Variants in MBP observed in about 807,000 individuals in gnomAD.
MBP encodes Golli-MBP.
A neutral mutation model predicts 35.8 loss-of-function variants in MBP; 16 were observed. The observed-to-expected ratio is 0.45, with a 90% CI of 0.30 to 0.68. MBP has a LOEUF of 0.68. Among genes scored for constraint, MBP ranks in the 30% least tolerant of loss-of-function variants. The pLI, the probability that MBP is intolerant of heterozygous loss-of-function variation, is 0.08. For missense variants in MBP, 380 were observed against 404.7 expected (o/e 0.94, Z 0.52); for synonymous variants, 143 against 159.6 (o/e 0.90, Z 0.78).
chr18:77,131,862 C>T lies in MBP; in HGVS notation c.-26+718G>A, dbSNP rs1450960784. On this transcript the variant is annotated intron_variant, in intron 1 of 8. Coordinates refer to ENST00000355994, the MANE Select transcript of MBP (RefSeq NM_001025101.2). This position sits in a 1 kb window ranked among gnomAD's most constrained non-coding sequence, Gnocchi z 5.5. ...CGGGCCGGCGGGCGGCTGCGGGCGG[C>T]GCACGTGGGCCCAGGTGGGCGCAGC... Among the ~76,000 whole-genome samples, 1 of 152,018 alleles carries T rather than the reference C, an allele frequency of 6.6e-6. No individual in the cohort carries two copies. The highest frequency in any genetic ancestry group is 2.4e-5 in the African/African-American group (1 of 41,424).
chr18:77,050,879 C>T (rs905147470), intron 3 of MBP, among the ~76,000 whole-genome samples: 2 of 152,150 alleles, frequency 1.3e-5, no homozygotes, highest in African/African-American at 4.8e-5. Flanking sequence ...ATGTCTTAAT[C>T]ATCTCAAGGG....
rs1973439659 is a variant in MBP, at chr18:77,050,347, G to A, written c.139+15951C>T. ...AACTAAGTATTTTAAAATAATTTTT[G>A]GAGATAAACTAAAGCTCTGAAACAC... On this transcript the variant is annotated intron_variant, in intron 3 of 8. Transcript: ENST00000355994. Among the ~76,000 whole-genome samples the A allele has an allele frequency of 2.6e-5, 4 of 152,128 alleles. No homozygotes were observed. The South Asian group carries it at 6.2e-4, about 24-fold the overall frequency.
At chr18:77,034,051 CAAAA>C (rs398033591) in intron 3 of MBP, among the ~76,000 whole-genome samples, 8 of 70,502 alleles carry the variant, frequency 1.1e-4, no homozygotes, top group African/African-American at 1.6e-4. Context: ...CCTAATGGGG[CAAAA>C]AAAAAAAAAA....
At chr18:77,065,279 C>T (rs558348907) in intron 3 of MBP, among the ~76,000 whole-genome samples, 13 of 152,110 alleles carry the variant, frequency 8.5e-5, no homozygotes, top group Admixed American at 8.5e-4. Context: ...TGTGCCATGA[C>T]GTGGTGGGTG....
intron 4 of MBP, among the ~76,000 whole-genome samples, chr18:77,010,854 T>C (rs984931627): frequency 1.3e-5 from 2 of 152,188 alleles, no homozygotes; most frequent in African/African-American, 4.8e-5. Flanking sequence ...CTGCAAGAAA[T>C]GTCTATTTCT....
At chr18:77,079,767 A>C (rs1974817357) in intron 2 of MBP, among the ~76,000 whole-genome samples, 2 of 152,230 alleles carry the variant, frequency 1.3e-5, no homozygotes, top group South Asian at 4.1e-4. Context: ...CTTTTTAAGA[A>C]GCAAATATTC....
Position 77,105,306 on chromosome 18 carries a change from T to G in MBP, c.-25-20A>C, listed in dbSNP as rs1468848308. 1.3e-6 allele frequency: 2 copies of G among 1,510,674 alleles called. No homozygotes were observed. The highest frequency in any genetic ancestry group is 9.2e-7 in the Non-Finnish European group (1 of 1,086,974). The allele number at this position is 1,510,674 out of a possible 1,614,324, so 93.6% of individuals were successfully genotyped here. A position where few individuals can be genotyped will look rare whatever the true frequency, so the allele number is the denominator to read the frequency against. Reference sequence around the variant, plus strand: ...CAGAGGCTAAAAGAGAAAGAGAAAGTGTCAGCCCTAAGTCTAGTGCTCTTA... The same window carrying G: ...CAGAGGCTAAAAGAGAAAGAGAAAGGGTCAGCCCTAAGTCTAGTGCTCTTA... On this transcript the variant is annotated intron_variant, in intron 1 of 8. Coordinates refer to ENST00000355994, the MANE Select transcript of MBP (RefSeq NM_001025101.2).
At chr18:77,114,649 C>T (rs868129140) in intron 1 of MBP, 34 of 152,404 alleles carry the variant, frequency 2.2e-4, no homozygotes, top group African/African-American at 7.2e-4. Context: ...AACACCGTCA[C>T]GCTGGGACTG....
At chr18:77,103,381 A>T (rs1227885621) in intron 2 of MBP, among the ~76,000 whole-genome samples, 1 of 152,238 alleles carries the variant, frequency 6.6e-6, no homozygotes, top group East Asian at 1.9e-4. Context: ...GCCCATCTTC[A>T]GCAGCCGGAC....
At chr18:76,993,238 A>C (rs1021211202) in intron 4 of MBP, among the ~76,000 whole-genome samples, 2 of 152,162 alleles carry the variant, frequency 1.3e-5, no homozygotes, top group Non-Finnish European at 2.9e-5. Flanking sequence ...AGAGGTTTTG[A>C]ATGCATGAGG....
At position 77,101,033 on chromosome 18, in the gene MBP, G is replaced by C. The variant is rs1424934622; in HGVS notation, c.51+4178C>G. Among the ~76,000 whole-genome samples, 1 of 152,196 alleles carries C rather than the reference G, an allele frequency of 6.6e-6. No individual in the cohort carries two copies. The highest frequency in any genetic ancestry group is 1.5e-5 in the Non-Finnish European group (1 of 68,036). On this transcript the variant is annotated intron_variant, in intron 2 of 8. Transcript: ENST00000355994. The surrounding 1 kb of genome is among the most constrained non-coding windows in gnomAD (Gnocchi z 4.3). ...TGAGCGCTTGCTGACCCTCCCAAAG[G>C]TAACTGCCCAGCCCCTTTGATTCAC... is the stretch of plus-strand genomic sequence containing the variant.
intron 3 of MBP, among the ~76,000 whole-genome samples, chr18:77,060,175 C>T (rs1568318451): frequency 6.6e-6 from 1 of 152,170 alleles, no homozygotes; most frequent in African/African-American, 2.4e-5. Context: ...TTTCTCTAAC[C>T]TCCTGCCCTC....
chr18:77,090,185 T>C (rs967925580), intron 2 of MBP, among the ~76,000 whole-genome samples: 5 of 152,206 alleles, frequency 3.3e-5, no homozygotes, highest in Non-Finnish European at 5.9e-5. Context: ...CCAGTAGTAA[T>C]GTCTAGCCCC....
chr18:77,133,235 G>A (rs2145294435), upstream of MBP, among the ~76,000 whole-genome samples: 1 of 152,302 alleles, frequency 6.6e-6, no homozygotes, highest in South Asian at 2.1e-4. Flanking sequence ...GCCTGGAGGC[G>A]AAAGGAGCCG....
intron 3 of MBP, among the ~76,000 whole-genome samples, chr18:77,033,790 CCATCCACCCACTCACCCATCCACA>C (rs1241456871): frequency 1.4e-5 from 2 of 146,148 alleles, no homozygotes; most frequent in Non-Finnish European, 3.0e-5. Flanking sequence ...ATCCATCCAT[CCATCCACCCACTCACCCATCCACA>C]CACCCACCCA....
At chr18:77,037,135 G>A (rs589012) in intron 3 of MBP, among the ~76,000 whole-genome samples, 4 of 148,562 alleles carry the variant, frequency 2.7e-5, no homozygotes, top group Admixed American at 6.7e-5. Context: ...TGGAGACAGA[G>A]CTGAGCAAGT....
intron 2 of MBP, among the ~76,000 whole-genome samples, chr18:77,100,376 GC>G (rs1975948418): frequency 6.6e-6 from 1 of 152,162 alleles, no homozygotes; most frequent in African/African-American, 2.4e-5. Context: ...GGTCTTTTAA[GC>G]CACCTAGTCT....
At chr18:77,016,604 C>T in intron 4 of MBP, 1 of 1,401,682 alleles carries the variant, frequency 7.1e-7, no homozygotes, top group Non-Finnish European at 9.3e-7. Context: ...GAGCCACACC[C>T]CGGCCACCAT....
At chr18:77,037,452 C>T (rs1256641608) in intron 3 of MBP, among the ~76,000 whole-genome samples, 1 of 152,170 alleles carries the variant, frequency 6.6e-6, no homozygotes, top group Non-Finnish European at 1.5e-5. Context: ...CTGGCCAGAG[C>T]CACAGAGAGG....
Sources: allele counts gnomAD v4.1 joint callset (sites outside exome capture counted in the v4.1 genomes callset), GRCh38; gene constraint gnomAD v4.1.1; non-coding constraint Gnocchi (gnomAD v3.1); transcripts MANE v1.5; gene names NCBI Gene and HGNC (gene_info 2026-07-23, HGNC 2026-07-21).